Variants in SFXN4 observed in about 807,000 individuals in gnomAD.
The protein encoded by SFXN4 is sideroflexin-4.
In SFXN4, 48 loss-of-function variants were observed where a neutral mutation model predicts 54.6. The observed-to-expected ratio is 0.88, with a 90% CI of 0.70 to 1.12. The LOEUF (loss-of-function observed/expected upper bound fraction) is 1.12, where lower values mean the gene tolerates loss of function less well. Among genes scored for constraint, SFXN4 ranks in the 50% most tolerant of loss-of-function variants. The pLI is 0.00. For missense variants in SFXN4, 383 were observed against 409.2 expected (o/e 0.94, Z 0.55); for synonymous variants, 130 against 145.5 (o/e 0.89, Z 0.77).
Position 119,146,231 on chromosome 10 carries a change from C to T in SFXN4, c.936+5G>A. On this transcript the variant is annotated splice_donor_5th_base_variant and intron_variant, in intron 13 of 13. Coordinates refer to ENST00000355697, the MANE Select transcript of SFXN4 (RefSeq NM_213649.2). ...TTGAGAGAAAAGAGGAATGGGGGCACTTACCTGTCCAATCTGTGGAAATAT... is the reference window on the plus strand; with the variant it reads ...TTGAGAGAAAAGAGGAATGGGGGCATTTACCTGTCCAATCTGTGGAAATAT... The T allele has an allele frequency of 6.6e-7, 1 of 1,526,490 alleles. No homozygotes were observed. The highest frequency in any genetic ancestry group is 9.1e-7 in the Non-Finnish European group (1 of 1,103,832). 94.6% of individuals were successfully genotyped at this position (1,526,490 alleles called of 1,614,324 possible).
intron 2 of SFXN4, among the ~76,000 whole-genome samples, chr10:119,163,398 C>CT (rs370409048): frequency 8.4e-4 from 127 of 152,082 alleles, no homozygotes; most frequent in African/African-American, 2.5e-3. Flanking sequence ...CTTTTCTTTT[C>CT]TTTTTTTGCT....
intron 6 of SFXN4, chr10:119,158,265 C>T: frequency 1.7e-6 from 1 of 596,318 alleles, no homozygotes. Flanking sequence ...GCTCTAAGGA[C>T]ATCCAGGGTC....
chr10:119,147,164 G>C (rs550433592), intron 12 of SFXN4, among the ~76,000 whole-genome samples: 1 of 152,328 alleles, frequency 6.6e-6, no homozygotes, highest in East Asian at 1.9e-4. Flanking sequence ...CCACGAGAAT[G>C]ACAGGGAGGC....
intron 11 of SFXN4, 31 bp from the exon 12 acceptor site, chr10:119,147,891 T>C: frequency 6.3e-7 from 1 of 1,583,064 alleles, no homozygotes; most frequent in Non-Finnish European, 8.7e-7. Context: ...ACAGCTTAGG[T>C]TGGGCACGGT....
At position 119,147,379 on chromosome 10, in the gene SFXN4, C is replaced by G. The variant is rs1039098722; in HGVS notation, c.818+396G>C. Among the ~76,000 whole-genome samples the G allele has an allele frequency of 5.9e-5, 9 of 152,298 alleles. No individual in the cohort carries two copies. In the South Asian group the frequency reaches 1.9e-3, roughly 32 times the overall value. On this transcript the variant is annotated intron_variant, in intron 12 of 13. Transcript: ENST00000355697. ...TTCTTAAAAGGGATGGATCTGAATT[C>G]GGAGTCGCTGAAGCTCATTTAAAAC...
chr10:119,159,870 A>G (rs757930242), intron 5 of SFXN4, 117 bp from the exon 6 acceptor site: 10 of 1,087,870 alleles, frequency 9.2e-6, no homozygotes, highest in Non-Finnish European at 1.4e-5. Context: ...CACAGACCTC[A>G]AAGGACTTTT....
At position 119,157,951 on chromosome 10, in the gene SFXN4, G is replaced by C. The variant is rs181797411; in HGVS notation, c.415-24C>G. The C allele has an allele frequency of 8.7e-6, 14 of 1,613,928 alleles. No individual in the cohort carries two copies. In the South Asian group the frequency reaches 1.4e-4, roughly 16 times the overall value. On this transcript the variant is annotated intron_variant, in intron 7 of 13. Coordinates refer to ENST00000355697, the MANE Select transcript of SFXN4 (RefSeq NM_213649.2). ...ACCTGCCGAGAGGGGCAAATGGATC[G>C]CATTTTCGTTTCAAGCATAACAGAA...
chr10:119,158,499 C>T (rs142751991), intron 6 of SFXN4, among the ~76,000 whole-genome samples: 1,993 of 151,174 alleles, frequency 0.013, 49 homozygotes, highest in East Asian at 0.084. Flanking sequence ...ACCTGTAATC[C>T]CAGCTACTCG....
chr10:119,147,957 G>C (rs1846890964), intron 11 of SFXN4, 97 bp from the exon 12 acceptor site: 1 of 899,702 alleles, frequency 1.1e-6, no homozygotes, highest in African/African-American at 1.7e-5. Flanking sequence ...GATCGCTTGA[G>C]GTCAGTAGTT....
intron 3 of SFXN4, among the ~76,000 whole-genome samples, chr10:119,161,313 C>G (rs998153016): frequency 2.0e-5 from 3 of 151,264 alleles, no homozygotes; most frequent in Non-Finnish European, 4.4e-5. Context: ...GAGATGGGGT[C>G]TTGCTATACG....
At chr10:119,149,450 T>A (rs1278860316) in intron 11 of SFXN4, among the ~76,000 whole-genome samples, 1 of 152,126 alleles carries the variant, frequency 6.6e-6, no homozygotes. Context: ...AGGGCTGTTT[T>A]TAAAATAAGG....
chr10:119,162,931 G>C (rs1211078381), intron 2 of SFXN4, among the ~76,000 whole-genome samples: 1 of 151,828 alleles, frequency 6.6e-6, no homozygotes, highest in African/African-American at 2.4e-5. Context: ...AAATAGTTGC[G>C]ACTACAGGCA....
At chr10:119,165,296 G>A (rs1847722575) in intron 1 of SFXN4, 2 of 1,241,832 alleles carry the variant, frequency 1.6e-6, no homozygotes, top group Admixed American at 9.3e-5. Flanking sequence ...CCCTCCGAGA[G>A]GGCAATCTGG....
In SFXN4 at chr10:119,152,229, C is replaced by T. The variant is rs546745030; in HGVS notation, c.732+2833G>A. 9.6e-4 allele frequency among the ~76,000 whole-genome samples: 16 copies of T among 16,618 alleles called. No homozygotes were observed. The Admixed American group carries it at 9.8e-3, about 10-fold the overall frequency. 10.9% of individuals were successfully genotyped at this position (16,618 alleles called of 152,430 possible). On this transcript the variant is annotated intron_variant, in intron 11 of 13. Transcript: ENST00000355697. Reference sequence around the variant, plus strand: ...TGTTTGAAAAAATGTCTCTTTCGGGCGTTTTTTTTTTTCCCCAGGGGAAAG... The same window carrying T: ...TGTTTGAAAAAATGTCTCTTTCGGGTGTTTTTTTTTTTCCCCAGGGGAAAG...
intron 11 of SFXN4, among the ~76,000 whole-genome samples, chr10:119,152,992 CA>C (rs1385804768): frequency 6.6e-6 from 1 of 151,870 alleles, no homozygotes; most frequent in Non-Finnish European, 1.5e-5. Flanking sequence ...TCACAGGGAC[CA>C]AAAAAGATCT....
At chr10:119,163,526 C>T (rs111887398) in intron 2 of SFXN4, among the ~76,000 whole-genome samples, 11 of 151,980 alleles carry the variant, frequency 7.2e-5, no homozygotes, top group Non-Finnish European at 1.3e-4. Flanking sequence ...TCAAGCCTTC[C>T]GAATAGCTGG....
At chr10:119,158,664 G>A (rs1019175086) in intron 6 of SFXN4, among the ~76,000 whole-genome samples, 15 of 144,862 alleles carry the variant, frequency 1.0e-4, no homozygotes, top group African/African-American at 3.6e-4. Context: ...GCTAGGGAAA[G>A]CAGACAGGAG....
At chr10:119,164,232 C>A in intron 1 of SFXN4, 36 bp from the exon 2 acceptor site, 1 of 1,290,892 alleles carries the variant, frequency 7.7e-7, no homozygotes, top group Non-Finnish European at 1.1e-6. Flanking sequence ...AGGTTAATGG[C>A]AGCAGAAAAA....
intron 11 of SFXN4, 95 bp from the exon 12 acceptor site, chr10:119,147,955 GAGGTC>G: frequency 1.1e-6 from 1 of 905,794 alleles, no homozygotes; most frequent in Non-Finnish European, 1.8e-6. Flanking sequence ...TAGATCGCTT[GAGGTC>G]AGTAGTTTGA....
Sources: allele counts gnomAD v4.1 joint callset (sites outside exome capture counted in the v4.1 genomes callset), GRCh38; gene constraint gnomAD v4.1.1; transcripts MANE v1.5; gene names NCBI Gene and HGNC (gene_info 2026-07-23, HGNC 2026-07-21).